The following SUGCT variants were observed in gnomAD, a reference collection of about 807,000 sequenced individuals.
SUGCT encodes the protein succinyl-CoA:glutarate CoA-transferase.
SUGCT carries 41 observed loss-of-function variants against 55.0 expected under a neutral mutation model. That is an observed-to-expected ratio of 0.74 (90% confidence interval 0.58 to 0.97). The LOEUF is 0.97. Among genes scored for constraint, SUGCT ranks in the 50% least tolerant of loss-of-function variants. The pLI, the probability that SUGCT is intolerant of heterozygous loss-of-function variation, is 0.00. For synonymous variants in SUGCT, 187 were observed against 200.4 expected, an observed-to-expected ratio of 0.93 and a Z score of 0.56; for missense variants, 568 against 547.8, an observed-to-expected ratio of 1.04 and a Z score of -0.37.
chr7:40,501,266 T>C (rs1194482583), intron 12 of SUGCT, among the ~76,000 whole-genome samples: 1 of 152,140 alleles, frequency 6.6e-6, no homozygotes, highest in African/African-American at 2.4e-5. Context: ...GGGTGTAATA[T>C]TTTAAGTATT....
intron 6 of SUGCT, among the ~76,000 whole-genome samples, chr7:40,219,937 C>A (rs1202950469): frequency 2.6e-5 from 4 of 151,974 alleles, no homozygotes; most frequent in Non-Finnish European, 5.9e-5. Flanking sequence ...GGAAGTTTAC[C>A]CTAATTGCTG....
intron 12 of SUGCT, among the ~76,000 whole-genome samples, chr7:40,645,225 G>A (rs2151830590): frequency 6.6e-6 from 1 of 152,262 alleles, no homozygotes; most frequent in Non-Finnish European, 1.5e-5. Context: ...TGCCTAAAAT[G>A]TCCTCATCGC....
intron 9 of SUGCT, among the ~76,000 whole-genome samples, chr7:40,410,253 T>C (rs529486240): frequency 6.6e-6 from 1 of 152,284 alleles, no homozygotes; most frequent in Non-Finnish European, 1.5e-5. Context: ...TTTTATTTAG[T>C]TTTTTCAATT....
chr7:40,471,358 T>A (rs1254630951), intron 11 of SUGCT, among the ~76,000 whole-genome samples: 1 of 151,480 alleles, frequency 6.6e-6, no homozygotes, highest in Non-Finnish European at 1.5e-5. Context: ...AAAATAATAA[T>A]ATTTAAAATA....
chr7:40,356,607 G>A (rs111579784), intron 9 of SUGCT, among the ~76,000 whole-genome samples: 9 of 152,284 alleles, frequency 5.9e-5, no homozygotes, highest in African/African-American at 2.2e-4. Context: ...AATAACCATA[G>A]GCTCTGAACA....
chr7:40,497,405 T>C (rs1792043527), intron 12 of SUGCT, among the ~76,000 whole-genome samples: 3 of 152,224 alleles, frequency 2.0e-5, no homozygotes, highest in South Asian at 2.1e-4. Flanking sequence ...AAAAAGTGAA[T>C]GAATTCAGGA....
intron 12 of SUGCT, among the ~76,000 whole-genome samples, chr7:40,558,670 G>A (rs538477307): frequency 1.3e-5 from 2 of 152,186 alleles, no homozygotes; most frequent in African/African-American, 4.8e-5. Flanking sequence ...TTAGGGATGA[G>A]TAGAAGTTCA....
intron 8 of SUGCT, among the ~76,000 whole-genome samples, chr7:40,276,795 A>T (rs1056518675): frequency 6.8e-6 from 1 of 146,862 alleles, no homozygotes; most frequent in Non-Finnish European, 1.5e-5. Context: ...TGGGGTGTGC[A>T]TGTGTGTGTG....
Position 40,243,508 on chromosome 7 carries a change from A to C in SUGCT, c.576+5782A>C, listed in dbSNP as rs181219047. 9.2e-5 allele frequency among the ~76,000 whole-genome samples: 14 copies of C among 152,196 alleles called. No individual in the cohort carries two copies. In the East Asian group the frequency reaches 2.7e-3, roughly 29 times the overall value. On this transcript the variant is annotated intron_variant, in intron 7 of 13. Coordinates refer to ENST00000335693, the MANE Select transcript of SUGCT (RefSeq NM_001193313.2). ...TCAGATTGGAAGGTAAAGCATCTTT[A>C]ATTTTCTTCTTGAGGATTAACAACA...
At chr7:40,621,065 G>A (rs918867516) in intron 12 of SUGCT, among the ~76,000 whole-genome samples, 3 of 152,070 alleles carry the variant, frequency 2.0e-5, no homozygotes, top group Non-Finnish European at 2.9e-5. Flanking sequence ...CTCGAAATAA[G>A]CATCAATGTT....
intron 12 of SUGCT, among the ~76,000 whole-genome samples, chr7:40,654,733 T>C (rs1800935509): frequency 6.6e-6 from 1 of 152,200 alleles, no homozygotes; most frequent in Non-Finnish European, 1.5e-5. Context: ...ATAATTGTGA[T>C]GCCTTGTTCC....
intron 12 of SUGCT, among the ~76,000 whole-genome samples, chr7:40,643,685 A>C (rs1265420041): frequency 2.0e-5 from 3 of 152,210 alleles, no homozygotes; most frequent in Non-Finnish European, 2.9e-5. Flanking sequence ...CAATCTGACG[A>C]TATATGCCAG....
chr7:40,191,084 T>A (rs929281988), intron 5 of SUGCT, among the ~76,000 whole-genome samples: 2 of 152,184 alleles, frequency 1.3e-5, no homozygotes, highest in African/African-American at 4.8e-5. Flanking sequence ...TGGCGCGATC[T>A]CGGCTCACTG....
At chr7:40,617,976 C>T (rs530114206) in intron 12 of SUGCT, among the ~76,000 whole-genome samples, 2 of 152,174 alleles carry the variant, frequency 1.3e-5, no homozygotes, top group East Asian at 3.9e-4. Flanking sequence ...TCACTATAAT[C>T]CTGTTGCTTA....
intron 6 of SUGCT, among the ~76,000 whole-genome samples, chr7:40,210,172 A>AGTAGCT (rs1189627348): frequency 2.6e-5 from 4 of 151,690 alleles, no homozygotes; most frequent in African/African-American, 9.7e-5. Context: ...CAGCCTCCCG[A>AGTAGCT]GTAGCTGGGA....
chr7:40,844,035 C>A lies in SUGCT; in HGVS notation c.1154-16281C>A, dbSNP rs78318479. Among the ~76,000 whole-genome samples the A allele has an allele frequency of 2.5e-3, 385 of 152,108 alleles. 1 individual carries two copies. Among genetic ancestry groups the A allele is most frequent in the African/African-American group, 9.0e-3 (373 of 41,516 alleles). ...AGGTGAGTGGGTGCAGGAACCAGGG[C>A]AAATCAACACTGGAACCAGCCAGTT... is the stretch of plus-strand genomic sequence containing the variant. On this transcript the variant is annotated intron_variant, in intron 13 of 13. Coordinates refer to ENST00000335693, the MANE Select transcript of SUGCT (RefSeq NM_001193313.2).
intron 12 of SUGCT, among the ~76,000 whole-genome samples, chr7:40,603,261 A>G (rs1798373596): frequency 6.6e-6 from 1 of 152,238 alleles, no homozygotes; most frequent in South Asian, 2.1e-4. Context: ...AAAAGGGTTT[A>G]GATACATAGG....
At chr7:41,011,597 A>G in the SUGCT span, among the ~76,000 whole-genome samples, 3 of 152,244 alleles carry the variant, frequency 2.0e-5, no homozygotes, top group African/African-American at 7.2e-5. Flanking sequence ...AGTGTTTCAT[A>G]AGTAACTAAA....
chr7:40,160,233 T>C (rs1241682346), intron 1 of SUGCT, among the ~76,000 whole-genome samples: 1 of 152,122 alleles, frequency 6.6e-6, no homozygotes, highest in Non-Finnish European at 1.5e-5. Context: ...AAAATAATTT[T>C]TTTCTTTTTT....
Sources: gnomAD v4.1 joint callset for allele counts (sites outside exome capture counted in the v4.1 genomes callset) on GRCh38, gnomAD v4.1.1 for gene constraint, MANE v1.5 for transcripts, NCBI Gene and HGNC (gene_info 2026-07-23, HGNC 2026-07-21) for gene names.